RAP1GAP: variants seen among roughly 807,000 people sequenced by gnomAD.
RAP1GAP encodes RAP1 GTPase activating protein.
A neutral mutation model predicts 87.2 loss-of-function variants in RAP1GAP; 35 were observed. That is an observed-to-expected ratio of 0.40 (90% CI 0.31 to 0.53). The LOEUF is 0.53. Among genes scored for constraint, RAP1GAP ranks in the 20% least tolerant of loss-of-function variants. RAP1GAP has a pLI of 0.48. For synonymous variants in RAP1GAP, 375 were observed against 363.9 expected, an observed-to-expected ratio of 1.03 and a Z score of -0.35; for missense variants, 734 against 898.9, an observed-to-expected ratio of 0.82 and a Z score of 2.35.
At chr1:21,618,952 G>A (rs1173998381) in intron 5 of RAP1GAP, 73 bp downstream of exon 5, 1 of 1,440,712 alleles carries the variant, frequency 6.9e-7, no homozygotes, top group Non-Finnish European at 9.5e-7. Context: ...CCTGCTTGAT[G>A]GGCAGTGGTG....
chr1:21,601,612 G>A, intron 20 of RAP1GAP, 72 bp downstream of exon 20: 1 of 1,210,056 alleles, frequency 8.3e-7, no homozygotes, highest in Non-Finnish European at 1.2e-6. Flanking sequence ...GCTGTCCCGG[G>A]CCCAGGCAGG....
At chr1:21,642,409 C>T (rs920147413) in intron 2 of RAP1GAP, among the ~76,000 whole-genome samples, 18 of 152,194 alleles carry the variant, frequency 1.2e-4, no homozygotes, top group Admixed American at 2.6e-4. Flanking sequence ...ACCAATCTTC[C>T]AGGTAGTACT....
In RAP1GAP at chr1:21,660,776, G is replaced by A. The variant is rs758453329; in HGVS notation, c.-149+8478C>T. 1.1e-4 allele frequency among the ~76,000 whole-genome samples: 16 copies of A among 152,296 alleles called. No homozygotes were observed. In the East Asian group the frequency reaches 1.5e-3, roughly 15 times the overall value. ...CCTTAGCATGGTGCCTTGTGCTCAC[G>A]AACGGCTTGCACGGTGGTGGCTGTT... is the stretch of plus-strand genomic sequence containing the variant. On this transcript the variant is annotated intron_variant, in intron 1 of 24. Coordinates refer to ENST00000374765, the MANE Select transcript of RAP1GAP (RefSeq NM_002885.4).
chr1:21,669,150 TCC>T lies in RAP1GAP; in HGVS notation c.-149+102_-149+103del, dbSNP rs1422422452. The T allele has an allele frequency of 8.6e-7, 1 of 1,156,318 alleles. No homozygotes were observed. Among genetic ancestry groups the T allele is most frequent in the African/African-American group, 1.7e-5 (1 of 58,436 alleles). The allele number at this position is 1,156,318 out of a possible 1,614,324, so 71.6% of individuals were successfully genotyped here. ...CCCACGCGTTCGCCCCCACCCTCCGTCCCCGCCCGCCCGCGCGGGGTCTTCGC... is the reference window on the plus strand; with the variant it reads ...CCCACGCGTTCGCCCCCACCCTCCGTCCGCCCGCCCGCGCGGGGTCTTCGC... On this transcript the variant is annotated intron_variant, in intron 1 of 24. Coordinates refer to ENST00000374765, the MANE Select transcript of RAP1GAP (RefSeq NM_002885.4). The surrounding 1 kb of genome is among the most constrained non-coding windows in gnomAD (Gnocchi z 5.6).
rs1028723163 is a variant in RAP1GAP at position 21,606,320 on chromosome 1, C to T, written c.1297-123G>A. 3.7e-6 allele frequency: 5 copies of T among 1,351,494 alleles called. No individual in the cohort carries two copies. The African/African-American group carries it at 7.4e-5, about 20-fold the overall frequency. 83.7% of individuals were successfully genotyped at this position (1,351,494 alleles called of 1,614,324 possible). The stretch of plus-strand genomic sequence containing the variant: ...GCCACTCTGGGTAAGCCCTGGAAAT[C>T]CCTTCCCCTGGGCATGTGGCCAGCA... On this transcript the variant is annotated intron_variant, in intron 17 of 24. Transcript: ENST00000374765.
intron 2 of RAP1GAP, among the ~76,000 whole-genome samples, chr1:21,630,607 C>A (rs893497538): frequency 1.3e-5 from 2 of 152,110 alleles, no homozygotes; most frequent in African/African-American, 4.8e-5. Flanking sequence ...AGCTGGAGTG[C>A]AGTGGCATGA....
At chr1:21,607,005 G>A (rs1473322146) in intron 17 of RAP1GAP, among the ~76,000 whole-genome samples, 6 of 152,182 alleles carry the variant, frequency 3.9e-5, no homozygotes, top group Non-Finnish European at 5.9e-5. Flanking sequence ...TCTCAAAGAC[G>A]ATCTGTTCAC....
At chr1:21,636,289 C>G (rs753256347) in intron 2 of RAP1GAP, among the ~76,000 whole-genome samples, 1 of 152,232 alleles carries the variant, frequency 6.6e-6, no homozygotes, top group South Asian at 2.1e-4. Flanking sequence ...CACTATGAAC[C>G]TCAGCTTCCT....
At chr1:21,606,716 T>C (rs79814472) in intron 17 of RAP1GAP, among the ~76,000 whole-genome samples, 1,951 of 152,342 alleles carry the variant, frequency 0.013, 48 homozygotes, top group African/African-American at 0.045. Flanking sequence ...ATGCTTGCTA[T>C]GGGACCAGCG....
chr1:21,638,687 G>A (rs1471070008), intron 2 of RAP1GAP, among the ~76,000 whole-genome samples: 1 of 152,162 alleles, frequency 6.6e-6, no homozygotes, highest in Non-Finnish European at 1.5e-5. Context: ...TTTTCTGCAC[G>A]GTTTGGATGT....
intron 2 of RAP1GAP, among the ~76,000 whole-genome samples, chr1:21,648,032 C>CG (rs1472793030): frequency 6.6e-6 from 1 of 152,194 alleles, no homozygotes; most frequent in Non-Finnish European, 1.5e-5. Flanking sequence ...CCACCACTGA[C>CG]GCATGGGCTG....
intron 2 of RAP1GAP, among the ~76,000 whole-genome samples, chr1:21,646,428 G>A (rs1430656500): frequency 6.6e-6 from 1 of 152,230 alleles, no homozygotes; most frequent in African/African-American, 2.4e-5. Context: ...CACCAGCTGT[G>A]ACTTTGAGCC....
intron 3 of RAP1GAP, among the ~76,000 whole-genome samples, chr1:21,621,307 C>A (rs2087260457): frequency 6.6e-6 from 1 of 152,188 alleles, no homozygotes; most frequent in South Asian, 2.1e-4. Flanking sequence ...CCTGCCCCGG[C>A]AGGGTCACAT....
intron 19 of RAP1GAP, among the ~76,000 whole-genome samples, 181 bp downstream of exon 19, chr1:21,602,623 G>A (rs374944277): frequency 5.3e-5 from 8 of 152,222 alleles, no homozygotes; most frequent in East Asian, 1.9e-4. Context: ...CATGTGGCAC[G>A]TTAGGTGACG....
chr1:21,618,804 T>A (rs2084220629), intron 5 of RAP1GAP, among the ~76,000 whole-genome samples: 1 of 152,072 alleles, frequency 6.6e-6, no homozygotes, highest in South Asian at 2.1e-4. Context: ...GCCCCAGCCC[T>A]CTAGCAAGAG....
At position 21,609,789 on chromosome 1, in the gene RAP1GAP, A is replaced by T; in HGVS notation, c.1000-143T>A. Reference sequence around the variant, plus strand: ...TGTGGGCTGGATGAATCTTTCTTCCAGAGATTTCTGCCCTCTATCTTTTGC... The same window carrying T: ...TGTGGGCTGGATGAATCTTTCTTCCTGAGATTTCTGCCCTCTATCTTTTGC... On this transcript the variant is annotated intron_variant, in intron 14 of 24. Coordinates refer to ENST00000374765, the MANE Select transcript of RAP1GAP (RefSeq NM_002885.4). The surrounding 1 kb of genome is among the most constrained non-coding windows in gnomAD (Gnocchi z 4.4). 1 of 652,278 alleles carries T rather than the reference A, an allele frequency of 1.5e-6. No individual in the cohort carries two copies. Among genetic ancestry groups the T allele is most frequent in the Non-Finnish European group, 2.5e-6 (1 of 396,602 alleles). The allele number at this position is 652,278 out of a possible 1,614,324, so 40.4% of individuals were successfully genotyped here.
At chr1:21,656,426 A>C (rs202175225) in intron 1 of RAP1GAP, among the ~76,000 whole-genome samples, 14,985 of 138,442 alleles carry the variant, frequency 0.11, 1,230 homozygotes, top group East Asian at 0.28. Flanking sequence ...CTAAAAAAAA[A>C]AAAAAAAAAA....
At chr1:21,646,177 G>A (rs1237709295) in intron 2 of RAP1GAP, among the ~76,000 whole-genome samples, 1 of 152,232 alleles carries the variant, frequency 6.6e-6, no homozygotes, top group Non-Finnish European at 1.5e-5. Context: ...TACAGGAAGT[G>A]CTCCATATAT....
At chr1:21,629,484 G>A (rs2093269453) in intron 2 of RAP1GAP, among the ~76,000 whole-genome samples, 1 of 152,162 alleles carries the variant, frequency 6.6e-6, no homozygotes, top group Non-Finnish European at 1.5e-5. Context: ...CTTGCACCTG[G>A]GACCCCATCC....
Sources: gnomAD v4.1 joint callset for allele counts (sites outside exome capture counted in the v4.1 genomes callset) on GRCh38, gnomAD v4.1.1 for gene constraint, Gnocchi (gnomAD v3.1) non-coding constraint, MANE v1.5 for transcripts, NCBI Gene and HGNC (gene_info 2026-07-23, HGNC 2026-07-21) for gene names.